GPR135: variants seen among roughly 807,000 people sequenced by gnomAD.
The protein encoded by GPR135 is G protein-coupled receptor 135.
Under a neutral mutation model 15.0 loss-of-function variants are expected in GPR135, and 17 were observed. The ratio of observed to expected loss-of-function variants is 1.13; its 90% CI spans 0.78 to 1.70. The LOEUF (loss-of-function observed/expected upper bound fraction) is 1.70, where lower values mean the gene tolerates loss of function less well. Among genes scored for constraint, GPR135 ranks in the 40% most tolerant of loss-of-function variants. The pLI is 0.00. For synonymous variants in GPR135, 368 were observed against 349.4 expected (o/e 1.05, Z -0.59); for missense variants, 776 against 727.0 (o/e 1.07, Z -0.78).
chr14:59,455,494 G>A (rs796273762), intron 6 of GPR135, among the ~76,000 whole-genome samples: 3 of 152,188 alleles, frequency 2.0e-5, no homozygotes, highest in African/African-American at 7.2e-5. Flanking sequence ...TTATTGTTGT[G>A]TAACAAGCTA....
At chr14:59,453,234 G>A (rs1418645059) in intron 6 of GPR135, among the ~76,000 whole-genome samples, 7 of 152,108 alleles carry the variant, frequency 4.6e-5, no homozygotes, top group African/African-American at 1.7e-4. Context: ...ATGGACTTTG[G>A]GTGATAGCAA....
rs1888943212 is a variant in GPR135, at chr14:59,463,475, T to C, written c.*267A>G. Reference sequence around the variant, plus strand: ...ATATGAGCTTTTCAGTTATAGTGAATGTTATTTTTGTCATTTTTGGCACTT... The same window carrying C: ...ATATGAGCTTTTCAGTTATAGTGAACGTTATTTTTGTCATTTTTGGCACTT... On this transcript the variant is annotated 3_prime_UTR_variant, in exon 1 of 1. Coordinates refer to ENST00000395116, the MANE Select transcript of GPR135 (RefSeq NM_022571.6). The C allele has an allele frequency of 2.1e-6, 1 of 478,218 alleles. No individual in the cohort carries two copies. The highest frequency in any genetic ancestry group is 3.7e-6 in the Non-Finnish European group (1 of 271,172). 29.6% of individuals were successfully genotyped at this position (478,218 alleles called of 1,614,324 possible).
chr14:59,460,638 G>T (rs1406494582), downstream of GPR135: 1 of 152,214 alleles, frequency 6.6e-6, no homozygotes, highest in African/African-American at 2.4e-5. Flanking sequence ...TAATAAGATT[G>T]CTCTGAGGAT....
intron 6 of GPR135, among the ~76,000 whole-genome samples, chr14:59,455,244 T>A (rs772468497): frequency 6.2e-4 from 94 of 152,268 alleles, no homozygotes; most frequent in Middle Eastern, 3.4e-3. Context: ...ACTAATAAGT[T>A]TGGGGCACCT....
rs1888907785 is a variant in GPR135 at position 59,462,598 on chromosome 14, A to G, written c.*1144T>C. 1.3e-5 allele frequency: 2 copies of G among 152,212 alleles called. No individual in the cohort carries two copies. The highest frequency in any genetic ancestry group is 4.8e-5 in the African/African-American group (2 of 41,452). The allele number at this position is 152,212 out of a possible 1,614,324, so 9.4% of individuals were successfully genotyped here. On this transcript the variant is annotated 3_prime_UTR_variant, in exon 1 of 1. Coordinates refer to ENST00000395116, the MANE Select transcript of GPR135 (RefSeq NM_022571.6). Reference sequence around the variant, plus strand: ...AACCATCAGCTATTTTAAAAAATACAAAATATACCAAATTTCTAAATGTAG... The same window carrying G: ...AACCATCAGCTATTTTAAAAAATACGAAATATACCAAATTTCTAAATGTAG...
downstream of GPR135, among the ~76,000 whole-genome samples, chr14:59,457,843 T>A (rs1483778061): frequency 6.6e-6 from 1 of 152,166 alleles, no homozygotes; most frequent in Non-Finnish European, 1.5e-5. Flanking sequence ...GTTGCCTGCT[T>A]TTTTTTCCTG....
chr14:59,462,602 T>C lies in GPR135; in HGVS notation c.*1140A>G, dbSNP rs963946417. On this transcript the variant is annotated 3_prime_UTR_variant, in exon 1 of 1. Transcript: ENST00000395116. Reference sequence around the variant, plus strand: ...ATCAGCTATTTTAAAAAATACAAAATATACCAAATTTCTAAATGTAGGAGG... The same window carrying C: ...ATCAGCTATTTTAAAAAATACAAAACATACCAAATTTCTAAATGTAGGAGG... The C allele has an allele frequency of 6.6e-6, 1 of 152,130 alleles. No individual in the cohort carries two copies. Among genetic ancestry groups the C allele is most frequent in the Admixed American group, 6.5e-5 (1 of 15,270 alleles). The allele number at this position is 152,130 out of a possible 1,614,324, so 9.4% of individuals were successfully genotyped here.
Position 59,462,410 on chromosome 14 carries a change from A to T in GPR135, c.*1332T>A, listed in dbSNP as rs1196443664. 1 of 152,238 alleles carries T rather than the reference A, an allele frequency of 6.6e-6. No homozygotes were observed. 9.4% of individuals were successfully genotyped at this position (152,238 alleles called of 1,614,324 possible). On this transcript the variant is annotated 3_prime_UTR_variant, in exon 1 of 1. Transcript: ENST00000395116. Reference sequence around the variant, plus strand: ...AAACCATCTTTTCTGCTAAGATAGAAATTTAAAAAGCATCTTTGATTTGCA... The same window carrying T: ...AAACCATCTTTTCTGCTAAGATAGATATTTAAAAAGCATCTTTGATTTGCA...
chr14:59,463,947 C>T lies in GPR135; in HGVS notation c.1280G>A (p.Arg427His), dbSNP rs568514791. Residue 427 changes from arginine (R) to histidine (H), a missense_variant, in exon 1 of 1, where the codon CGC becomes CAC. Transcript: ENST00000395116. ...SQGPGLQARS[R>H]SRLRNRYANR... ...GGCATAGCGGTTTCGAAGGCGACTG[C>T]GGCTTCTGGCTTGCAGACCCGGGCC... 1.9e-6 allele frequency: 3 copies of T among 1,613,938 alleles called. No individual in the cohort carries two copies. Among genetic ancestry groups the T allele is most frequent in the South Asian group, 1.1e-5 (1 of 91,056 alleles).
At position 59,464,921 on chromosome 14, in the gene GPR135, T is replaced by C; in HGVS notation, c.306A>G (p.Ala102=). 1 of 1,588,224 alleles carries C rather than the reference T, an allele frequency of 6.3e-7. No homozygotes were observed. The highest frequency in any genetic ancestry group is 1.1e-5 in the South Asian group (1 of 87,304). Residue 102 remains alanine, a synonymous_variant, in exon 1 of 1, where the codon GCA becomes GCG. Transcript: ENST00000395116. ...GGAGGACGAGCGCCTGGGCCGCCACTGCAGCTCCGTGCGACAGCAGCGGCG... is the reference window on the plus strand; with the variant it reads ...GGAGGACGAGCGCCTGGGCCGCCACCGCAGCTCCGTGCGACAGCAGCGGCG... ...EAAPLLSHGA[A]VAAQALVLLL...
chr14:59,465,081 G>A lies in GPR135; in HGVS notation c.146C>T (p.Thr49Ile). 2 of 1,376,910 alleles carry A rather than the reference G, an allele frequency of 1.5e-6. No individual in the cohort carries two copies. The highest frequency in any genetic ancestry group is 9.4e-7 in the Non-Finnish European group (1 of 1,066,762). 85.3% of individuals were successfully genotyped at this position (1,376,910 alleles called of 1,614,324 possible). ...GTCGCTCAGGTTCCCCAGCGCCGCGGTCGCCACGGTGCTGAAGGAGAGCAC... is the reference window on the plus strand; with the variant it reads ...GTCGCTCAGGTTCCCCAGCGCCGCGATCGCCACGGTGCTGAAGGAGAGCAC... ...AAVLSFSTVA[T>I]AALGNLSDAS... Residue 49 changes from threonine (T) to isoleucine (I), a missense_variant, in exon 1 of 1, where the codon ACC becomes ATC. Thr to Ile is a moderately conservative substitution (Grantham distance 89). Coordinates refer to ENST00000395116, the MANE Select transcript of GPR135 (RefSeq NM_022571.6).
In GPR135 at chr14:59,464,408, C is replaced by A; in HGVS notation, c.819G>T (p.Leu273=). ...LYRTSPDPAQ[L]GAAFSVGLVV... ...CCAGCCCCACGCTGAAGGCCGCGCC[C>A]AGCTGCGCGGGGTCCGGGGAGGTCC... The change falls in exon 1 of 1, where the codon CTG becomes CTT. Residue 273 remains leucine, a synonymous_variant. Transcript: ENST00000395116. The A allele has an allele frequency of 6.3e-7, 1 of 1,595,138 alleles. No individual in the cohort carries two copies.
chr14:59,454,883 C>T (rs1254753320), intron 6 of GPR135, among the ~76,000 whole-genome samples: 8 of 152,090 alleles, frequency 5.3e-5, no homozygotes, highest in African/African-American at 1.7e-4. Flanking sequence ...AGGCAGATCA[C>T]GTGGTCAGGA....
rs943476429 is a variant in GPR135, at chr14:59,463,174, A to G, written c.*568T>C. The G allele has an allele frequency of 6.6e-6, 1 of 152,250 alleles. No homozygotes were observed. Among genetic ancestry groups the G allele is most frequent in the Non-Finnish European group, 1.5e-5 (1 of 68,066 alleles). The allele number at this position is 152,250 out of a possible 1,614,324, so 9.4% of individuals were successfully genotyped here. ...TTTCAAAATCCTAAAATGATTTTAAATGGGTTATGAATTAAAAATTTTCCA... is the reference window on the plus strand; with the variant it reads ...TTTCAAAATCCTAAAATGATTTTAAGTGGGTTATGAATTAAAAATTTTCCA... On this transcript the variant is annotated 3_prime_UTR_variant, in exon 1 of 1. Transcript: ENST00000395116.
intron 6 of GPR135, among the ~76,000 whole-genome samples, chr14:59,453,855 A>T (rs1260606705): frequency 6.6e-6 from 1 of 152,220 alleles, no homozygotes; most frequent in Non-Finnish European, 1.5e-5. Flanking sequence ...ATCTATTTTT[A>T]AAGTAATTTT....
In GPR135 at chr14:59,465,305, CGGGG is replaced by C; in HGVS notation, c.-83_-80del. On this transcript the variant is annotated 5_prime_UTR_variant, in exon 1 of 1. Coordinates refer to ENST00000395116, the MANE Select transcript of GPR135 (RefSeq NM_022571.6). ...CTAGGTCGGAGTGGTGGCTCGGGGC[CGGGG>C]GCTAGCGGCCGCCGCGGGGAGCTGG... 9.9e-7 allele frequency: 1 copy of C among 1,011,756 alleles called. No individual in the cohort carries two copies. 62.7% of individuals were successfully genotyped at this position (1,011,756 alleles called of 1,614,324 possible).
downstream of GPR135, among the ~76,000 whole-genome samples, chr14:59,459,439 A>G (rs1888779376): frequency 6.6e-6 from 1 of 152,172 alleles, no homozygotes; most frequent in African/African-American, 2.4e-5. Context: ...CTTGGACTGA[A>G]GTGGGAGATA....
At position 59,463,175 on chromosome 14, in the gene GPR135, T is replaced by G. The variant is rs1039026403; in HGVS notation, c.*567A>C. ...TTCAAAATCCTAAAATGATTTTAAA[T>G]GGGTTATGAATTAAAAATTTTCCAC... On this transcript the variant is annotated 3_prime_UTR_variant, in exon 1 of 1. Coordinates refer to ENST00000395116, the MANE Select transcript of GPR135 (RefSeq NM_022571.6). The G allele has an allele frequency of 6.6e-6, 1 of 152,258 alleles. No individual in the cohort carries two copies. Among genetic ancestry groups the G allele is most frequent in the Non-Finnish European group, 1.5e-5 (1 of 68,076 alleles). The allele number at this position is 152,258 out of a possible 1,614,324, so 9.4% of individuals were successfully genotyped here. A position where few individuals can be genotyped will look rare whatever the true frequency, so the allele number is the denominator to read the frequency against.
downstream of GPR135, among the ~76,000 whole-genome samples, chr14:59,455,981 T>C (rs1888638831): frequency 6.6e-6 from 1 of 152,184 alleles, no homozygotes; most frequent in Non-Finnish European, 1.5e-5. Flanking sequence ...TAATCAGACA[T>C]CTCTGGGAAG....
Sources: allele counts gnomAD v4.1 joint callset (sites outside exome capture counted in the v4.1 genomes callset), GRCh38; gene constraint gnomAD v4.1.1; transcripts MANE v1.5; gene names NCBI Gene and HGNC (gene_info 2026-07-23, HGNC 2026-07-21).